Variants in TAFA1 observed in about 807,000 individuals in gnomAD.
TAFA1 encodes the protein chemokine-like protein TAFA-1.
In TAFA1, 4 loss-of-function variants were observed where a neutral mutation model predicts 18.5. The ratio of observed to expected loss-of-function variants is 0.22; its 90% CI spans 0.11 to 0.49. The LOEUF (loss-of-function observed/expected upper bound fraction) is 0.49, where lower values mean the gene tolerates loss of function less well. Among genes scored for constraint, TAFA1 ranks in the 20% least tolerant of loss-of-function variants. The pLI, the probability that TAFA1 is intolerant of heterozygous loss-of-function variation, is 0.98. For synonymous variants in TAFA1, 56 were observed against 55.2 expected, an observed-to-expected ratio of 1.01 and a Z score of -0.06; for missense variants, 147 against 169.0, an observed-to-expected ratio of 0.87 and a Z score of 0.72.
chr3:68,122,469 G>C (rs181808762), intron 2 of TAFA1, among the ~76,000 whole-genome samples: 2 of 152,056 alleles, frequency 1.3e-5, no homozygotes, highest in African/African-American at 2.4e-5. Context: ...CGCAAATGAA[G>C]ACAATAGAAT....
At chr3:68,320,865 C>G (rs529951969) in intron 2 of TAFA1, among the ~76,000 whole-genome samples, 1 of 152,318 alleles carries the variant, frequency 6.6e-6, no homozygotes, top group East Asian at 1.9e-4. Context: ...ACCTCCTTCT[C>G]CCCTGGTCTG....
Position 68,341,427 on chromosome 3 carries a change from A to C in TAFA1, c.119-75853A>C, listed in dbSNP as rs551126833. Among the ~76,000 whole-genome samples the C allele has an allele frequency of 6.6e-5, 10 of 152,278 alleles. No individual in the cohort carries two copies. The East Asian group carries it at 1.9e-3, about 29-fold the overall frequency. On this transcript the variant is annotated intron_variant, in intron 2 of 4. Transcript: ENST00000478136. The stretch of plus-strand genomic sequence containing the variant: ...GCAAAATATCTCAAACACTGATCTT[A>C]GGTTTTACAATAGTGATGTTATTCC...
intron 2 of TAFA1, among the ~76,000 whole-genome samples, chr3:68,238,675 T>C (rs1359603891): frequency 6.6e-6 from 1 of 152,132 alleles, no homozygotes; most frequent in Non-Finnish European, 1.5e-5. Context: ...TTTGCCAAAT[T>C]GATGGCTGAT....
chr3:68,102,231 A>T (rs1321994988), intron 2 of TAFA1, among the ~76,000 whole-genome samples: 1 of 152,138 alleles, frequency 6.6e-6, no homozygotes, highest in South Asian at 2.1e-4. Context: ...GGCCGATGGC[A>T]TCTCTTAACG....
intron 2 of TAFA1, among the ~76,000 whole-genome samples, chr3:68,162,327 T>C (rs2065934090): frequency 6.6e-6 from 1 of 152,168 alleles, no homozygotes; most frequent in Non-Finnish European, 1.5e-5. Context: ...CCACTTCAGA[T>C]CATCAGGCAT....
chr3:68,279,056 T>C (rs1442183133), intron 2 of TAFA1, among the ~76,000 whole-genome samples: 1 of 152,136 alleles, frequency 6.6e-6, no homozygotes, highest in African/African-American at 2.4e-5. Flanking sequence ...AATTTGAGTA[T>C]CAGGTCCTCA....
At position 68,022,842 on chromosome 3, in the gene TAFA1, T is replaced by TTA. The variant is rs201139587; in HGVS notation, c.118+16115_118+16116dup. Among the ~76,000 whole-genome samples, 785 of 137,234 alleles carry TTA rather than the reference T, an allele frequency of 5.7e-3. 8 individuals are homozygous for TTA. Among genetic ancestry groups the TTA allele is most frequent in the African/African-American group, 0.021 (740 of 35,264 alleles). The allele number at this position is 137,234 out of a possible 152,430, so 90.0% of individuals were successfully genotyped here. A position where few individuals can be genotyped will look rare whatever the true frequency, so the allele number is the denominator to read the frequency against. ...ATATATTATATATAATATATATATA[T>TTA]TATATATATATATATATAAAATTAA... On this transcript the variant is annotated intron_variant, in intron 2 of 4. Transcript: ENST00000478136.
intron 2 of TAFA1, among the ~76,000 whole-genome samples, chr3:68,279,739 T>G (rs1263538386): frequency 6.6e-6 from 1 of 152,218 alleles, no homozygotes; most frequent in Non-Finnish European, 1.5e-5. Context: ...TAAGTCATAA[T>G]ATGGGCTTTG....
At chr3:68,000,419 G>A (rs1704271392), upstream of TAFA1, among the ~76,000 whole-genome samples, 1 of 152,194 alleles carries the variant, frequency 6.6e-6, no homozygotes. Flanking sequence ...CTTGTCTGGA[G>A]TACTAGAGAA....
intron 3 of TAFA1, among the ~76,000 whole-genome samples, chr3:68,479,376 G>A (rs979695977): frequency 3.3e-5 from 5 of 151,178 alleles, no homozygotes; most frequent in Non-Finnish European, 5.9e-5. Flanking sequence ...TTTAGACATT[G>A]TTTACATCTT....
At chr3:67,997,179 G>A in the TAFA1 span, among the ~76,000 whole-genome samples, 1 of 152,122 alleles carries the variant, frequency 6.6e-6, no homozygotes, top group African/African-American at 2.4e-5. Context: ...ACATTCAAAG[G>A]TATAGAGAAG....
chr3:68,119,978 C>T (rs1201208217), intron 2 of TAFA1, among the ~76,000 whole-genome samples: 1 of 152,150 alleles, frequency 6.6e-6, no homozygotes, highest in African/African-American at 2.4e-5. Context: ...CATCCATATG[C>T]AAATGTCTGC....
chr3:68,101,610 G>A (rs887764127), intron 2 of TAFA1, among the ~76,000 whole-genome samples: 58 of 152,230 alleles, frequency 3.8e-4, no homozygotes, highest in African/African-American at 1.4e-3. Context: ...AGCCTTCCAT[G>A]TTTTGAAGAG....
At chr3:68,155,634 C>T (rs73834860) in intron 2 of TAFA1, among the ~76,000 whole-genome samples, 2,724 of 152,116 alleles carry the variant, frequency 0.018, 92 homozygotes, top group African/African-American at 0.062. Context: ...GTCATAGCCA[C>T]CCCTTTTAAA....
intron 2 of TAFA1, among the ~76,000 whole-genome samples, chr3:68,320,470 C>A (rs1415793043): frequency 6.6e-6 from 1 of 152,138 alleles, no homozygotes; most frequent in Non-Finnish European, 1.5e-5. Context: ...GGAAAGGAGA[C>A]TCAGGGGTGT....
chr3:68,225,939 T>G (rs143789993), intron 2 of TAFA1, among the ~76,000 whole-genome samples: 1 of 151,900 alleles, frequency 6.6e-6, no homozygotes, highest in Non-Finnish European at 1.5e-5. Flanking sequence ...TATGGAGAGA[T>G]AAGATTTTGT....
chr3:68,242,198 C>G (rs1357023598), intron 2 of TAFA1, among the ~76,000 whole-genome samples: 1 of 152,088 alleles, frequency 6.6e-6, no homozygotes, highest in African/African-American at 2.4e-5. Context: ...AGTCCCTTCT[C>G]CTGCCCTGCT....
At chr3:68,491,231 C>T (rs1006670977) in intron 3 of TAFA1, among the ~76,000 whole-genome samples, 6 of 152,084 alleles carry the variant, frequency 3.9e-5, no homozygotes, top group Admixed American at 3.3e-4. Flanking sequence ...TGTAAAGACA[C>T]ATGCACACGT....
rs376274788 is a variant in TAFA1, at chr3:68,396,300, A to C, written c.119-20980A>C. Among the ~76,000 whole-genome samples, 6 of 152,112 alleles carry C rather than the reference A, an allele frequency of 3.9e-5. No homozygotes were observed. In the East Asian group the frequency reaches 1.2e-3, roughly 29 times the overall value. ...AGCTCAGTGGATTTCCATTAACTGA[A>C]CTCACCCATGATACCATAACTCACA... On this transcript the variant is annotated intron_variant, in intron 2 of 4. Coordinates refer to ENST00000478136, the MANE Select transcript of TAFA1 (RefSeq NM_213609.4).
Sources: allele counts gnomAD v4.1 joint callset (sites outside exome capture counted in the v4.1 genomes callset), GRCh38; gene constraint gnomAD v4.1.1; transcripts MANE v1.5; gene names NCBI Gene and HGNC (gene_info 2026-07-23, HGNC 2026-07-21).